Variants in MLN observed in about 807,000 individuals in gnomAD.
MLN encodes motilin.
Under a neutral mutation model 13.3 loss-of-function variants are expected in MLN, and 14 were observed. That is an observed-to-expected ratio of 1.05 (90% CI 0.69 to 1.64). MLN has a LOEUF of 1.64. Ranked by LOEUF, MLN falls within the 40% of genes most tolerant of loss-of-function variation. The probability of loss-of-function intolerance (pLI) is 0.00; values close to 1 mark genes in which losing one functional copy is unlikely to be tolerated. For synonymous variants in MLN, 59 were observed against 54.7 expected, an observed-to-expected ratio of 1.08 and a Z score of -0.34; for missense variants, 122 against 142.9, an observed-to-expected ratio of 0.85 and a Z score of 0.75.
intron 3 of MLN, among the ~76,000 whole-genome samples, chr6:33,797,503 C>T (rs1767953519): frequency 1.3e-5 from 2 of 152,344 alleles, no homozygotes; most frequent in African/African-American, 4.8e-5. Flanking sequence ...CATCCTGCAG[C>T]CAACCACAGG....
chr6:33,798,341 G>T (rs1009977672), intron 3 of MLN, among the ~76,000 whole-genome samples: 2 of 152,198 alleles, frequency 1.3e-5, no homozygotes, highest in Non-Finnish European at 2.9e-5. Flanking sequence ...CAGTGCCTCA[G>T]ACCTAGTAGG....
chr6:33,800,901 C>A (rs1057260086), intron 2 of MLN, 146 bp downstream of exon 2: 11 of 670,400 alleles, frequency 1.6e-5, no homozygotes, highest in Non-Finnish European at 3.0e-5. Flanking sequence ...CTGAGTGATG[C>A]CAGTGAAGGC....
Position 33,799,271 on chromosome 6 carries a change from C to A in MLN, c.118-50G>T. The stretch of plus-strand genomic sequence containing the variant: ...CAAAACCGCCCTCCCTCAACCCACG[C>A]TGATGGCCCCTTGCCTGTCTCCATC... On this transcript the variant is annotated intron_variant, in intron 2 of 4. Coordinates refer to ENST00000430124, the MANE Select transcript of MLN (RefSeq NM_002418.3). The surrounding 1 kb of genome is among the most constrained non-coding windows in gnomAD (Gnocchi z 4.6). 1 of 1,325,286 alleles carries A rather than the reference C, an allele frequency of 7.5e-7. No homozygotes were observed. The highest frequency in any genetic ancestry group is 1.1e-6 in the Non-Finnish European group (1 of 923,194). The allele number at this position is 1,325,286 out of a possible 1,614,324, so 82.1% of individuals were successfully genotyped here. A position where few individuals can be genotyped will look rare whatever the true frequency, so the allele number is the denominator to read the frequency against.
chr6:33,801,949 CT>C (rs1316144760), intron 1 of MLN, among the ~76,000 whole-genome samples: 2 of 152,014 alleles, frequency 1.3e-5, no homozygotes, highest in South Asian at 2.1e-4. Flanking sequence ...CTTTAGTGGG[CT>C]TTTGGAGCTC....
rs372827038 is a variant in MLN at position 33,797,737 on chromosome 6, A to G, written c.234+1368T>C. Among the ~76,000 whole-genome samples, 4 of 152,202 alleles carry G rather than the reference A, an allele frequency of 2.6e-5. No individual in the cohort carries two copies. The East Asian group carries it at 7.7e-4, about 29-fold the overall frequency. ...TCTTTTTCTCTGTCTCTCTTAGACTATAGCAGCCTCCTCAGTGGCCTCCCT... is the reference window on the plus strand; with the variant it reads ...TCTTTTTCTCTGTCTCTCTTAGACTGTAGCAGCCTCCTCAGTGGCCTCCCT... On this transcript the variant is annotated intron_variant, in intron 3 of 4. Coordinates refer to ENST00000430124, the MANE Select transcript of MLN (RefSeq NM_002418.3).
In MLN at chr6:33,799,057, G is replaced by T; in HGVS notation, c.234+48C>A. 7.5e-7 allele frequency: 1 copy of T among 1,336,056 alleles called. No individual in the cohort carries two copies. The highest frequency in any genetic ancestry group is 1.4e-5 in the African/African-American group (1 of 69,536). 82.8% of individuals were successfully genotyped at this position (1,336,056 alleles called of 1,614,324 possible). ...CTGCCTCCAGGCCAGGCAGGGGAAT[G>T]CATGCCCTGCTCTGAGTTTCTCTCC... is the stretch of plus-strand genomic sequence containing the variant. On this transcript the variant is annotated intron_variant, in intron 3 of 4. Transcript: ENST00000430124. This position sits in a 1 kb window ranked among gnomAD's most constrained non-coding sequence, Gnocchi z 4.6.
intron 1 of MLN, among the ~76,000 whole-genome samples, chr6:33,802,710 G>A (rs1185606274): frequency 5.3e-5 from 8 of 152,180 alleles, no homozygotes; most frequent in South Asian, 2.1e-4. Flanking sequence ...TTCCCAGCAG[G>A]CTGAAAGGAC....
At chr6:33,800,716 T>C (rs904447483) in intron 2 of MLN, among the ~76,000 whole-genome samples, 3 of 152,266 alleles carry the variant, frequency 2.0e-5, no homozygotes, top group Non-Finnish European at 4.4e-5. Context: ...CCCAGCCTTC[T>C]CCCTGGAGAT....
chr6:33,795,269 T>A (rs576371615), intron 4 of MLN, among the ~76,000 whole-genome samples: 19 of 152,290 alleles, frequency 1.2e-4, no homozygotes, highest in African/African-American at 4.6e-4. Flanking sequence ...AATGAAAATA[T>A]CTGGAGCAGG....
chr6:33,802,876 T>G (rs1033762765), intron 1 of MLN, among the ~76,000 whole-genome samples: 2 of 152,198 alleles, frequency 1.3e-5, no homozygotes, highest in African/African-American at 4.8e-5. Flanking sequence ...CTCTGGGGCC[T>G]GCTTTTCCCC....
intron 3 of MLN, among the ~76,000 whole-genome samples, chr6:33,797,043 AG>A (rs1470180262): frequency 1.3e-5 from 2 of 152,166 alleles, no homozygotes; most frequent in Non-Finnish European, 2.9e-5. Context: ...ATGGGGGGAA[AG>A]GGGCCCCACC....
chr6:33,798,379 C>T (rs562802053), intron 3 of MLN, among the ~76,000 whole-genome samples: 3 of 152,316 alleles, frequency 2.0e-5, no homozygotes, highest in South Asian at 2.1e-4. Context: ...CCCAAATAAA[C>T]GAGTCTGTGA....
At chr6:33,796,169 C>A (rs1767919910) in intron 3 of MLN, among the ~76,000 whole-genome samples, 1 of 152,058 alleles carries the variant, frequency 6.6e-6, no homozygotes, top group African/African-American at 2.4e-5. Flanking sequence ...CCGTGTTAGC[C>A]AGTATTCTAA....
chr6:33,799,144 A>G lies in MLN; in HGVS notation c.195T>C (p.Pro65=). Reference sequence around the variant, plus strand: ...TTTCTTCTTCCCTGATGGGCTCCGCAGGGTCTACAGGACCTTCCTCCCCAG... The same window carrying G: ...TTTCTTCTTCCCTGATGGGCTCCGCGGGGTCTACAGGACCTTCCTCCCCAG... The part of the protein sequence containing the change: ...QRSGEEGPVD[P]AEPIREEENE... The change falls in exon 3 of 5, where the codon CCT becomes CCC. Residue 65 remains proline, a synonymous_variant. Coordinates refer to ENST00000430124, the MANE Select transcript of MLN (RefSeq NM_002418.3). The surrounding 1 kb of genome is among the most constrained non-coding windows in gnomAD (Gnocchi z 4.6). The G allele has an allele frequency of 6.2e-7, 1 of 1,611,616 alleles. No homozygotes were observed. Among genetic ancestry groups the G allele is most frequent in the Non-Finnish European group, 8.5e-7 (1 of 1,178,246 alleles).
chr6:33,800,526 G>T (rs923670584), intron 2 of MLN, among the ~76,000 whole-genome samples: 3 of 152,210 alleles, frequency 2.0e-5, no homozygotes, highest in Non-Finnish European at 4.4e-5. Flanking sequence ...GCCCCCAGCT[G>T]AGTTCCACCT....
At chr6:33,795,673 C>G in intron 3 of MLN, 68 bp from the exon 4 acceptor site, 1 of 1,372,280 alleles carries the variant, frequency 7.3e-7, no homozygotes, top group Admixed American at 2.0e-5. Flanking sequence ...GGGTGCACTA[C>G]AGGTGGCAGG....
rs2281820 is a variant in MLN at position 33,801,120 on chromosome 6, A to G, written c.44T>C (p.Val15Ala). 0.59 allele frequency: 951,225 copies of G among 1,613,254 alleles called. 284,058 individuals carry two copies. Among genetic ancestry groups the G allele is most frequent in the East Asian group, 0.84 (37,530 of 44,860 alleles). Residue 15 changes from valine to alanine, a missense_variant, in exon 2 of 5, where the codon GTA (valine) becomes GCA (alanine). Coordinates refer to ENST00000430124, the MANE Select transcript of MLN (RefSeq NM_002418.3). ...KAVAALLVVH[V>A]AAMLASQTEA... The stretch of plus-strand genomic sequence containing the variant: ...CGTCTGGGAGGCCAGCATGGCAGCT[A>G]CATGCACCACCAGCAGAGCAGCCAC...
chr6:33,798,503 C>T (rs1767973772), intron 3 of MLN, among the ~76,000 whole-genome samples: 1 of 152,246 alleles, frequency 6.6e-6, no homozygotes, highest in South Asian at 2.1e-4. Context: ...GAGGAATTGG[C>T]ACCCTCGCCA....
In MLN at chr6:33,795,494, T is replaced by C. The variant is rs770752545; in HGVS notation, c.337+9A>G. 3.2e-6 allele frequency: 5 copies of C among 1,555,144 alleles called. No homozygotes were observed. The highest frequency in any genetic ancestry group is 4.4e-6 in the Non-Finnish European group (5 of 1,148,328). ...GGCCAAGCCACAGAGATGCCCGCCCTCCCCGTACCATGCTGGGGAAGCATC... is the reference window on the plus strand; with the variant it reads ...GGCCAAGCCACAGAGATGCCCGCCCCCCCCGTACCATGCTGGGGAAGCATC... On this transcript the variant is annotated intron_variant, in intron 4 of 4. Transcript: ENST00000430124.
Sources: allele counts gnomAD v4.1 joint callset (sites outside exome capture counted in the v4.1 genomes callset), GRCh38; gene constraint gnomAD v4.1.1; non-coding constraint Gnocchi (gnomAD v3.1); transcripts MANE v1.5; gene names NCBI Gene and HGNC (gene_info 2026-07-23, HGNC 2026-07-21).